Variants in CCL26 observed in about 807,000 individuals in gnomAD.
The protein encoded by CCL26 is C-C motif chemokine ligand 26.
In CCL26, 10 loss-of-function variants were observed where a neutral mutation model predicts 10.7. The ratio of observed to expected loss-of-function variants is 0.93; its 90% CI spans 0.57 to 1.58. The LOEUF is 1.58. Among genes scored for constraint, CCL26 ranks in the 40% most tolerant of loss-of-function variants. The pLI, the probability that CCL26 is intolerant of heterozygous loss-of-function variation, is 0.00. For synonymous variants in CCL26, 43 were observed against 41.4 expected (o/e 1.04, Z -0.15); for missense variants, 116 against 111.0 (o/e 1.05, Z -0.20).
intron 1 of CCL26, among the ~76,000 whole-genome samples, chr7:75,782,801 G>C (rs1446502077): frequency 6.6e-6 from 1 of 152,112 alleles, no homozygotes; most frequent in African/African-American, 2.4e-5. Context: ...CCTAGTCTCT[G>C]CTCCCAATGA....
At chr7:75,775,049 G>A (rs1012981754), upstream of CCL26, among the ~76,000 whole-genome samples, 3 of 151,918 alleles carry the variant, frequency 2.0e-5, no homozygotes, top group Admixed American at 6.6e-5. Context: ...GTGAAACTCC[G>A]TCTCTACCAA....
At chr7:75,789,838 G>T (rs1803284188) in exon 1 of CCL26, 2 of 152,008 alleles carry the variant, frequency 1.3e-5, no homozygotes, top group South Asian at 4.2e-4. Context: ...CCTCCTCTTG[G>T]CTTACGTAAG....
At chr7:75,776,216 C>T (rs142385883), upstream of CCL26, among the ~76,000 whole-genome samples, 15 of 151,666 alleles carry the variant, frequency 9.9e-5, no homozygotes, top group East Asian at 1.8e-3. Flanking sequence ...GGATTACAGG[C>T]GCACACCACC....
chr7:75,770,837 G>A (rs564315683), intron 2 of CCL26, among the ~76,000 whole-genome samples: 1 of 152,086 alleles, frequency 6.6e-6, no homozygotes, highest in Non-Finnish European at 1.5e-5. Flanking sequence ...CACCTCACCT[G>A]GCTGATTCTT....
chr7:75,770,253 A>G (rs1802793617), intron 2 of CCL26, among the ~76,000 whole-genome samples: 1 of 151,828 alleles, frequency 6.6e-6, no homozygotes. Context: ...TGTTTTTAAT[A>G]GAGACAAGGT....
chr7:75,775,089 G>A (rs998627860), upstream of CCL26, among the ~76,000 whole-genome samples: 2 of 151,924 alleles, frequency 1.3e-5, no homozygotes, highest in African/African-American at 4.8e-5. Context: ...GCATGGTGTC[G>A]CGTGTCTGTA....
upstream of CCL26, chr7:75,789,918 G>T (rs1803285715): frequency 6.6e-6 from 1 of 151,766 alleles, no homozygotes; most frequent in African/African-American, 2.4e-5. Context: ...GAATTCTTGG[G>T]GTATATTATT....
chr7:75,787,029 C>T (rs918037395), intron 1 of CCL26, among the ~76,000 whole-genome samples: 55 of 152,268 alleles, frequency 3.6e-4, no homozygotes, highest in African/African-American at 1.3e-3. Flanking sequence ...GGATTTGCCC[C>T]CGCCCAGGAC....
chr7:75,789,438 G>T (rs117711917), intron 1 of CCL26, among the ~76,000 whole-genome samples: 183 of 148,692 alleles, frequency 1.2e-3, no homozygotes, highest in African/African-American at 4.4e-3. Flanking sequence ...CACTCTTCTG[G>T]GAACATCCAT....
At chr7:75,771,819 G>T (rs1802827305) in intron 2 of CCL26, 70 bp downstream of exon 2, 1 of 943,412 alleles carries the variant, frequency 1.1e-6, no homozygotes, top group Non-Finnish European at 1.8e-6. Flanking sequence ...CTCATCCTGG[G>T]GGTCTGCCCA....
upstream of CCL26, among the ~76,000 whole-genome samples, chr7:75,791,013 C>CTTTTTTTTTTTTTT (rs35608337): frequency 7.4e-6 from 1 of 134,352 alleles, no homozygotes; most frequent in Non-Finnish European, 1.6e-5. Flanking sequence ...GAAACTCCTC[C>CTTTTTTTTTTTTTT]TTTTTTTTTT....
At position 75,772,122 on chromosome 7, in the gene CCL26, G is replaced by A. The variant is rs1443359850; in HGVS notation, c.55C>T (p.His19Tyr). 1.9e-6 allele frequency: 3 copies of A among 1,566,350 alleles called. No homozygotes were observed. The highest frequency in any genetic ancestry group is 2.7e-5 in the African/African-American group (2 of 73,558). Residue 19 changes from histidine (H) to tyrosine (Y), a missense_variant, in exon 1 of 3, where the codon CAC becomes TAC. Physicochemically the swap from His to Tyr is moderately conservative, Grantham distance 83. Transcript: ENST00000005180. ...TACGTACGTGTGGCAGTTCCAAGGT[G>A]GAGACTCAGGAGGGAGGCCAGGAGC... Reference protein sequence around the residue: ...AVLLASLLSLHLGTATRGSDI... With the variant: ...AVLLASLLSLYLGTATRGSDI...
intron 1 of CCL26, among the ~76,000 whole-genome samples, chr7:75,779,514 C>T (rs184585937): frequency 7.2e-4 from 110 of 152,314 alleles, no homozygotes; most frequent in Non-Finnish European, 1.4e-3. Flanking sequence ...CAACCTCTTT[C>T]TCCTTTCAAT....
upstream of CCL26, among the ~76,000 whole-genome samples, chr7:75,790,097 C>T (rs1362922058): frequency 6.8e-6 from 1 of 146,670 alleles, no homozygotes; most frequent in Non-Finnish European, 1.5e-5. Flanking sequence ...CCCCAGCTCT[C>T]TCCCTCCTTT....
At chr7:75,777,741 A>AAAAAAAAC (rs1802973094) in intron 1 of CCL26, among the ~76,000 whole-genome samples, 1 of 150,822 alleles carries the variant, frequency 6.6e-6, no homozygotes, top group Non-Finnish European at 1.5e-5. Context: ...AAAAAAAAAA[A>AAAAAAAAC]AGCAGCAGCA....
At chr7:75,780,701 G>T (rs1423157500) in intron 1 of CCL26, among the ~76,000 whole-genome samples, 1 of 151,676 alleles carries the variant, frequency 6.6e-6, no homozygotes, top group Non-Finnish European at 1.5e-5. Context: ...TTTCCCTCCC[G>T]CCTGTCCCCT....
chr7:75,787,680 A>AC (rs1476938693), intron 1 of CCL26, among the ~76,000 whole-genome samples: 46 of 100,814 alleles, frequency 4.6e-4, no homozygotes, highest in Non-Finnish European at 6.3e-4. Context: ...AAAAAGACAC[A>AC]CCCCCCAAGC....
upstream of CCL26, among the ~76,000 whole-genome samples, chr7:75,776,357 C>T (rs1383635332): frequency 6.6e-6 from 1 of 151,670 alleles, no homozygotes; most frequent in Non-Finnish European, 1.5e-5. Context: ...AGGTGTGAGC[C>T]ACCACACCCA....
chr7:75,786,236 G>C (rs35625173), intron 1 of CCL26, among the ~76,000 whole-genome samples: 33,080 of 151,962 alleles, frequency 0.22, 4,025 homozygotes, highest in Middle Eastern at 0.3. Context: ...CCCCATTTCC[G>C]CATATTTCCT....
Sources: allele counts gnomAD v4.1 joint callset (sites outside exome capture counted in the v4.1 genomes callset), GRCh38; gene constraint gnomAD v4.1.1; transcripts MANE v1.5; gene names NCBI Gene and HGNC (gene_info 2026-07-23, HGNC 2026-07-21).